Variants in CAPN9 observed in about 807,000 individuals in gnomAD.
CAPN9 encodes the protein calpain-9.
Under a neutral mutation model 92.8 loss-of-function variants are expected in CAPN9, and 81 were observed. The observed-to-expected ratio is 0.87, with a 90% CI of 0.73 to 1.05. CAPN9 has a LOEUF of 1.05. Ranked by LOEUF, CAPN9 falls within the 50% of genes least tolerant of loss-of-function variation. The probability of loss-of-function intolerance (pLI) is 0.00; values close to 1 mark genes in which losing one functional copy is unlikely to be tolerated. For missense variants in CAPN9, 848 were observed against 866.2 expected (o/e 0.98, Z 0.26); for synonymous variants, 304 against 328.0 (o/e 0.93, Z 0.79).
chr1:230,759,635 G>A lies in CAPN9; in HGVS notation c.402+5G>A, dbSNP rs750676018. The A allele has an allele frequency of 2.5e-6, 4 of 1,591,024 alleles. No homozygotes were observed. Among genetic ancestry groups the A allele is most frequent in the Non-Finnish European group, 3.4e-6 (4 of 1,167,256 alleles). The stretch of plus-strand genomic sequence containing the variant: ...GCCGGGATATTCCATTTCCAGGTAA[G>A]AGGGAGCCCTGGGCCAGTGGGTTTA... On this transcript the variant is annotated splice_donor_5th_base_variant and intron_variant, in intron 3 of 19. Transcript: ENST00000271971.
At chr1:230,794,771 G>A (rs1668235746) in intron 17 of CAPN9, among the ~76,000 whole-genome samples, 1 of 152,208 alleles carries the variant, frequency 6.6e-6, no homozygotes, top group Non-Finnish European at 1.5e-5. Context: ...CGCGAGGGGA[G>A]GCTGGTGTAG....
At chr1:230,777,981 A>G (rs1666936686) in intron 8 of CAPN9, among the ~76,000 whole-genome samples, 1 of 152,092 alleles carries the variant, frequency 6.6e-6, no homozygotes. Flanking sequence ...ACTAATTCTC[A>G]GGTTTCTATC....
intron 9 of CAPN9, 57 bp from the exon 10 acceptor site, chr1:230,780,119 TGTG>T: frequency 1.7e-5 from 15 of 904,322 alleles, no homozygotes; most frequent in Non-Finnish European, 2.4e-5. Context: ...TGTGTGTGTG[TGTG>T]GTCTTTGTGG....
chr1:230,779,968 A>G (rs1368532375), intron 9 of CAPN9, among the ~76,000 whole-genome samples: 1 of 152,184 alleles, frequency 6.6e-6, no homozygotes, highest in Non-Finnish European at 1.5e-5. Flanking sequence ...GATATTTTGC[A>G]TTCCCGTTGG....
rs770838296 is a variant in CAPN9 at position 230,792,436 on chromosome 1, A to G, written c.1733A>G (p.Asn578Ser). 1.2e-6 allele frequency: 2 copies of G among 1,613,858 alleles called. No individual in the cohort carries two copies. The highest frequency in any genetic ancestry group is 1.7e-5 in the Admixed American group (1 of 60,018). ...ACCCACATGGCACAGACCAGCGGCA[A>G]TGGGAAGCTGGAGTTTGATGAATTC... ...NIISLMDTSG[N>S]GKLEFDEFKV... The change falls in exon 16 of 20, where the codon AAT (asparagine) becomes AGT (serine). Residue 578 changes from asparagine to serine, a missense_variant. By Grantham distance (46) the Asn-to-Ser change is conservative. Transcript: ENST00000271971.
rs1472676633 is a variant in CAPN9, at chr1:230,777,965, CT to C, written c.954-1005del. Among the ~76,000 whole-genome samples the C allele has an allele frequency of 2.0e-5, 3 of 152,166 alleles. No individual in the cohort carries two copies. The East Asian group carries it at 5.8e-4, about 29-fold the overall frequency. On this transcript the variant is annotated intron_variant, in intron 8 of 19. Transcript: ENST00000271971. ...CTGGTCTCTTGACTTTAAAAACTAT[CT>C]TTACACTAATTCTCAGGTTTCTATC...
intron 5 of CAPN9, among the ~76,000 whole-genome samples, chr1:230,768,181 C>CT (rs1408772892): frequency 6.6e-6 from 1 of 152,092 alleles, no homozygotes; most frequent in Non-Finnish European, 1.5e-5. Flanking sequence ...CCGCAGTGAA[C>CT]TATGATCGTG....
chr1:230,798,117 G>A (rs750573754), intron 18 of CAPN9, 45 bp from the exon 19 acceptor site: 2 of 1,425,942 alleles, frequency 1.4e-6, no homozygotes, highest in Non-Finnish European at 2.0e-6. Flanking sequence ...ACTTGGTAAA[G>A]GAATTGTCTT....
chr1:230,760,247 C>T (rs1181959035), intron 3 of CAPN9, among the ~76,000 whole-genome samples: 3 of 152,148 alleles, frequency 2.0e-5, no homozygotes, highest in African/African-American at 7.2e-5. Context: ...GCCCCTTGTT[C>T]TTACTTAGGT....
intron 12 of CAPN9, among the ~76,000 whole-genome samples, chr1:230,787,015 T>G (rs1667636848): frequency 6.6e-6 from 1 of 152,238 alleles, no homozygotes; most frequent in Non-Finnish European, 1.5e-5. Flanking sequence ...TGCTGTTCCA[T>G]GCTGGGGCAC....
chr1:230,798,249 G>A lies in CAPN9; in HGVS notation c.2046+29G>A, dbSNP rs1482591195. The A allele has an allele frequency of 4.6e-6, 7 of 1,527,474 alleles. No individual in the cohort carries two copies. In the South Asian group the frequency reaches 7.9e-5, roughly 17 times the overall value. 94.6% of individuals were successfully genotyped at this position (1,527,474 alleles called of 1,614,324 possible). A position where few individuals can be genotyped will look rare whatever the true frequency, so the allele number is the denominator to read the frequency against. ...TGGCCAATCCAGACCCTCTGCTCAG[G>A]GACCCAGCTGGGGCCCAGCAGAGTC... On this transcript the variant is annotated intron_variant, in intron 19 of 19. Transcript: ENST00000271971.
Position 230,801,548 on chromosome 1 carries a change from ATCTC to A in CAPN9, c.2047-10_2047-7del, listed in dbSNP as rs112880876. ...GGACATGGAAGGACAACGACCCCTC[ATCTC>A]TCTCTCTCTCTTCCCAGTTCATCCA... is the stretch of plus-strand genomic sequence containing the variant. On this transcript the variant is annotated intron_variant, in intron 19 of 19. Coordinates refer to ENST00000271971, the MANE Select transcript of CAPN9 (RefSeq NM_006615.3). 2 of 1,597,014 alleles carry A rather than the reference ATCTC, an allele frequency of 1.3e-6. No homozygotes were observed. The highest frequency in any genetic ancestry group is 1.7e-6 in the Non-Finnish European group (2 of 1,166,974).
chr1:230,791,285 T>C (rs1667962415), intron 14 of CAPN9, among the ~76,000 whole-genome samples: 1 of 152,228 alleles, frequency 6.6e-6, no homozygotes, highest in South Asian at 2.1e-4. Flanking sequence ...TATGGTTACA[T>C]GGTGGCATAA....
At chr1:230,758,860 G>C (rs1269642194) in intron 2 of CAPN9, among the ~76,000 whole-genome samples, 4 of 152,166 alleles carry the variant, frequency 2.6e-5, no homozygotes, top group South Asian at 2.1e-4. Context: ...CACTCAGTGT[G>C]GGCAAAGGAA....
chr1:230,765,941 C>A (rs556071431), intron 4 of CAPN9, among the ~76,000 whole-genome samples: 1 of 152,140 alleles, frequency 6.6e-6, no homozygotes, highest in Admixed American at 6.5e-5. Context: ...AGTGGAGACA[C>A]CTGACTAACA....
chr1:230,774,236 C>T lies in CAPN9; in HGVS notation c.876-318C>T, dbSNP rs28359667. On this transcript the variant is annotated intron_variant, in intron 7 of 19. Coordinates refer to ENST00000271971, the MANE Select transcript of CAPN9 (RefSeq NM_006615.3). ...AGTCAGCAGACTTGTGGCTTCCAGC[C>T]GGGCTCTTCTGCTACCCCACGGGCA... Among the ~76,000 whole-genome samples, 1,140 of 152,322 alleles carry T rather than the reference C, an allele frequency of 7.5e-3. 12 individuals are homozygous for T. The highest frequency in any genetic ancestry group is 0.026 in the African/African-American group (1,065 of 41,574).
At chr1:230,751,880 G>C (rs1229235167) in intron 1 of CAPN9, among the ~76,000 whole-genome samples, 1 of 147,026 alleles carries the variant, frequency 6.8e-6, no homozygotes, top group Non-Finnish European at 1.5e-5. Flanking sequence ...GGGAGGGGGA[G>C]GGGTCTGCGT....
rs759032118 is a variant in CAPN9 at position 230,779,098 on chromosome 1, G to GCGGCT, written c.1081_1085dup (p.Thr363AlafsTer20). 6.2e-7 allele frequency: 1 copy of GCGGCT among 1,612,898 alleles called. No individual in the cohort carries two copies. Among genetic ancestry groups the GCGGCT allele is most frequent in the South Asian group, 1.1e-5 (1 of 91,020 alleles). On this transcript the variant is annotated frameshift_variant, in exon 9 of 20. Coordinates refer to ENST00000271971, the MANE Select transcript of CAPN9 (RefSeq NM_006615.3). LOFTEE classifies it high-confidence loss of function. ...ACGGTCCATCAGGGAAGCTGGGTTC[G>GCGGCT]CGGCTCCACGGCTGGGGGCTGCCGC... is the stretch of plus-strand genomic sequence containing the variant.
In CAPN9 at chr1:230,795,167, T is replaced by G. The variant is rs1171252259; in HGVS notation, c.1875T>G (p.Phe625Leu). 1 of 1,609,232 alleles carries G rather than the reference T, an allele frequency of 6.2e-7. No individual in the cohort carries two copies. Among genetic ancestry groups the G allele is most frequent in the Non-Finnish European group, 8.5e-7 (1 of 1,176,292 alleles). ...ELRTALKAAG[F>L]QLSSHLLQLI... The stretch of plus-strand genomic sequence containing the variant: ...TCTCCTCCTTTGTCCCCACAGGCTT[T>G]CAGCTGAGCAGCCACCTCCTGCAGC... Residue 625 changes from phenylalanine (F) to leucine (L), a missense_variant, in exon 18 of 20, where the codon TTT becomes TTG. By Grantham distance (22) the Phe-to-Leu change is conservative. Transcript: ENST00000271971.
Sources: allele counts gnomAD v4.1 joint callset (sites outside exome capture counted in the v4.1 genomes callset), GRCh38; gene constraint gnomAD v4.1.1; transcripts MANE v1.5; gene names NCBI Gene and HGNC (gene_info 2026-07-23, HGNC 2026-07-21).